Variants in CDIN1 observed in about 807,000 individuals in gnomAD.
CDIN1 encodes CDAN1 interacting nuclease 1, also known as CDAN1-interacting nuclease 1.
Under a neutral mutation model 45.3 loss-of-function variants are expected in CDIN1, and 33 were observed. The ratio of observed to expected loss-of-function variants is 0.73; its 90% CI spans 0.55 to 0.97. CDIN1 has a LOEUF of 0.97. CDIN1 is among the 50% of genes least tolerant of loss of function. CDIN1 has a pLI of 0.00. For missense variants in CDIN1, 303 were observed against 339.4 expected (o/e 0.89, Z 0.84); for synonymous variants, 118 against 124.4 (o/e 0.95, Z 0.34).
intron 10 of CDIN1, among the ~76,000 whole-genome samples, chr15:36,778,898 G>A (rs2054283664): frequency 6.6e-6 from 1 of 152,156 alleles, no homozygotes; most frequent in African/African-American, 2.4e-5. Flanking sequence ...GAAATAAATT[G>A]TAAAAGAAAG....
At chr15:36,714,183 T>C (rs531103218) in intron 10 of CDIN1, among the ~76,000 whole-genome samples, 1 of 152,184 alleles carries the variant, frequency 6.6e-6, no homozygotes, top group Non-Finnish European at 1.5e-5. Context: ...ACTTTTCAAA[T>C]GTGTAGACTT....
rs578063783 is a variant in CDIN1 at position 36,605,346 on chromosome 15, A to C, written c.101+25385A>C. Among the ~76,000 whole-genome samples, 73 of 152,314 alleles carry C rather than the reference A, an allele frequency of 4.8e-4. 1 individual carries two copies. The Middle Eastern group carries it at 0.01, about 21-fold the overall frequency. ...TTAATAAAGTTTATATAAATCAATA[A>C]TGCTGTTTTTGTAACTTGTATTTTT... On this transcript the variant is annotated intron_variant, in intron 1 of 10. Transcript: ENST00000566621.
At chr15:36,707,704 A>T (rs536480540) in intron 8 of CDIN1, 6 of 152,136 alleles carry the variant, frequency 3.9e-5, no homozygotes, top group Non-Finnish European at 8.8e-5. Flanking sequence ...ATCTTTTTCA[A>T]TGTCACCATT....
intron 10 of CDIN1, among the ~76,000 whole-genome samples, chr15:36,767,276 G>T (rs116361239): frequency 6.6e-6 from 1 of 152,074 alleles, no homozygotes; most frequent in Non-Finnish European, 1.5e-5. Context: ...GAATAAAATT[G>T]TCTCAGTCTG....
chr15:36,737,235 T>A (rs1335140563), intron 10 of CDIN1, among the ~76,000 whole-genome samples: 1 of 151,942 alleles, frequency 6.6e-6, no homozygotes, highest in Non-Finnish European at 1.5e-5. Context: ...CAGGTTCCAA[T>A]ACCTGGGTCG....
At chr15:36,721,190 G>A (rs2140879648) in intron 10 of CDIN1, among the ~76,000 whole-genome samples, 1 of 152,190 alleles carries the variant, frequency 6.6e-6, no homozygotes, top group Middle Eastern at 3.4e-3. Flanking sequence ...TGTCAGATGG[G>A]TAGATTGCAA....
At chr15:36,692,238 C>G in intron 7 of CDIN1, 63 bp downstream of exon 7, 1 of 1,469,452 alleles carries the variant, frequency 6.8e-7, no homozygotes, top group South Asian at 1.2e-5. Context: ...GGAGATGTGT[C>G]TAGCTTTAAC....
chr15:36,743,179 G>A (rs1023354982), intron 10 of CDIN1, among the ~76,000 whole-genome samples: 1 of 152,316 alleles, frequency 6.6e-6, no homozygotes, highest in South Asian at 2.1e-4. Flanking sequence ...CACTTCGGCA[G>A]TGGGAAGCCT....
chr15:36,798,363 C>T (rs2054890939), intron 10 of CDIN1, among the ~76,000 whole-genome samples: 1 of 152,020 alleles, frequency 6.6e-6, no homozygotes, highest in African/African-American at 2.4e-5. Context: ...TGGCATTTGC[C>T]TTCATGAATC....
At chr15:36,592,045 CCTT>C (rs2037600908) in intron 1 of CDIN1, 1 of 151,946 alleles carries the variant, frequency 6.6e-6, no homozygotes, top group Admixed American at 6.6e-5. Context: ...TGCTGCCAGG[CCTT>C]CTACTCTTTA....
At chr15:36,808,156 G>C (rs947644872) in intron 10 of CDIN1, among the ~76,000 whole-genome samples, 168 bp from the exon 11 acceptor site, 5 of 152,164 alleles carry the variant, frequency 3.3e-5, no homozygotes, top group African/African-American at 1.2e-4. Flanking sequence ...TGTGTGTTAT[G>C]TGAACTCTTT....
At chr15:36,709,718 T>G (rs1377801214) in intron 9 of CDIN1, 138 bp from the exon 10 acceptor site, 6 of 613,080 alleles carry the variant, frequency 9.8e-6, no homozygotes, top group Non-Finnish European at 1.8e-5. Flanking sequence ...AGTGTGTTGT[T>G]TTGTAATTAC....
At chr15:36,792,554 A>G (rs1595604843) in intron 10 of CDIN1, among the ~76,000 whole-genome samples, 1 of 93,084 alleles carries the variant, frequency 1.1e-5, no homozygotes. Flanking sequence ...ATAGTTTTCA[A>G]TTTTTTTGAA....
At chr15:36,666,224 A>G (rs1555391605) in intron 5 of CDIN1, among the ~76,000 whole-genome samples, 3 of 152,114 alleles carry the variant, frequency 2.0e-5, no homozygotes, top group Non-Finnish European at 4.4e-5. Flanking sequence ...TTTTCTGACA[A>G]TTTCATAATT....
intron 5 of CDIN1, among the ~76,000 whole-genome samples, chr15:36,661,002 T>C (rs2040989832): frequency 1.3e-5 from 2 of 152,126 alleles, no homozygotes; most frequent in Non-Finnish European, 2.9e-5. Context: ...TGGGAGAGAA[T>C]AGCATCTCTG....
At chr15:36,773,667 T>C (rs1035448660) in intron 10 of CDIN1, among the ~76,000 whole-genome samples, 16 of 152,224 alleles carry the variant, frequency 1.1e-4, no homozygotes, top group South Asian at 4.1e-4. Flanking sequence ...AACCAAAGCA[T>C]AGAAATGCTA....
chr15:36,617,211 C>T (rs2140296556), intron 1 of CDIN1: 1 of 866,446 alleles, frequency 1.2e-6, no homozygotes, highest in East Asian at 2.4e-5. Flanking sequence ...GAACTGAAAG[C>T]TCTTGGCATG....
chr15:36,618,454 A>G (rs994166221), intron 1 of CDIN1: 2 of 914,596 alleles, frequency 2.2e-6, no homozygotes, highest in Non-Finnish European at 3.7e-6. Context: ...TGACGACAAG[A>G]TGTCAATCTC....
chr15:36,676,289 AAAAG>A (rs1411375838), intron 5 of CDIN1, among the ~76,000 whole-genome samples: 5 of 152,176 alleles, frequency 3.3e-5, no homozygotes, highest in African/African-American at 1.2e-4. Context: ...AGCCTGCCGA[AAAAG>A]AACACACTTT....
Sources: gnomAD v4.1 joint callset for allele counts (sites outside exome capture counted in the v4.1 genomes callset) on GRCh38, gnomAD v4.1.1 for gene constraint, MANE v1.5 for transcripts, NCBI Gene and HGNC (gene_info 2026-07-23, HGNC 2026-07-21) for gene names.